Variants in PTPRT observed in about 807,000 individuals in gnomAD.
The protein encoded by PTPRT is receptor-type tyrosine-protein phosphatase T.
Under a neutral mutation model 176.8 loss-of-function variants are expected in PTPRT, and 56 were observed. The observed-to-expected ratio is 0.32, with a 90% CI of 0.26 to 0.40. The LOEUF is 0.40. PTPRT is among the 10% of genes least tolerant of loss of function. The pLI, the probability that PTPRT is intolerant of heterozygous loss-of-function variation, is 1.00. For synonymous variants in PTPRT, 783 were observed against 739.0 expected, an observed-to-expected ratio of 1.06 and a Z score of -0.96; for missense variants, 1,540 against 1,908.2, an observed-to-expected ratio of 0.81 and a Z score of 3.60.
At chr20:42,227,762 C>G (rs2056051557) in intron 15 of PTPRT, among the ~76,000 whole-genome samples, 1 of 151,998 alleles carries the variant, frequency 6.6e-6, no homozygotes, top group South Asian at 2.1e-4. Context: ...CACGTGCCAC[C>G]ATGCCTGGCT....
At position 42,077,254 on chromosome 20, in the gene PTPRT, A is replaced by G; in HGVS notation, c.*3625T>C. 1 of 186,454 alleles carries G rather than the reference A, an allele frequency of 5.4e-6. No homozygotes were observed. Among genetic ancestry groups the G allele is most frequent in the East Asian group, 8.6e-5 (1 of 11,620 alleles). 11.5% of individuals were successfully genotyped at this position (186,454 alleles called of 1,614,324 possible). ...AAAGAGAGGCCTACTGTGGCCTTCT[A>G]GAGGCCCAAGGACCCCTGGTTGGCC... On this transcript the variant is annotated 3_prime_UTR_variant, in exon 31 of 31. Transcript: ENST00000373187.
chr20:42,981,559 G>T (rs889566318), intron 1 of PTPRT, among the ~76,000 whole-genome samples: 8 of 152,212 alleles, frequency 5.3e-5, no homozygotes, highest in African/African-American at 1.9e-4. Context: ...TCACAGGGAT[G>T]AACCTGACCT....
At chr20:42,155,757 T>G (rs2146479232) in intron 17 of PTPRT, among the ~76,000 whole-genome samples, 1 of 152,262 alleles carries the variant, frequency 6.6e-6, no homozygotes, top group African/African-American at 2.4e-5. Context: ...GTGCGTAGGC[T>G]TGTCTGGGCT....
At chr20:42,956,767 A>T (rs1444310499) in intron 1 of PTPRT, among the ~76,000 whole-genome samples, 2 of 152,182 alleles carry the variant, frequency 1.3e-5, no homozygotes, top group African/African-American at 4.8e-5. Flanking sequence ...TGTTAAGAGT[A>T]CAGGTGACAG....
intron 12 of PTPRT, among the ~76,000 whole-genome samples, chr20:42,304,271 T>C (rs967838959): frequency 6.6e-6 from 1 of 152,164 alleles, no homozygotes; most frequent in African/African-American, 2.4e-5. Flanking sequence ...GTCATGTTCA[T>C]ACTCTATTCA....
intron 7 of PTPRT, among the ~76,000 whole-genome samples, chr20:42,675,352 G>A (rs2075483752): frequency 6.6e-6 from 1 of 152,198 alleles, no homozygotes; most frequent in Non-Finnish European, 1.5e-5. Context: ...ATATCTTGGG[G>A]ATGGGACCCA....
chr20:43,090,291 G>A lies in PTPRT; in HGVS notation c.88+99355C>T, dbSNP rs531089742. 1.3e-3 allele frequency among the ~76,000 whole-genome samples: 186 copies of A among 146,476 alleles called. 1 individual carries two copies. The highest frequency in any genetic ancestry group is 4.6e-3 in the African/African-American group (182 of 39,336). ...GACTATTTTTTTTTTTTTTTGAGAT[G>A]GAGTCTTGTTCTGTCGCCCAGGCTG... On this transcript the variant is annotated intron_variant, in intron 1 of 30. Transcript: ENST00000373187.
At chr20:43,079,763 G>A (rs1053570882) in intron 1 of PTPRT, among the ~76,000 whole-genome samples, 4 of 151,954 alleles carry the variant, frequency 2.6e-5, no homozygotes, top group Non-Finnish European at 4.4e-5. Flanking sequence ...AGGGTTGGTC[G>A]GTTAATTATT....
intron 2 of PTPRT, among the ~76,000 whole-genome samples, chr20:42,841,080 C>T (rs2078269727): frequency 6.6e-6 from 1 of 152,182 alleles, no homozygotes; most frequent in Non-Finnish European, 1.5e-5. Context: ...AGGTATGCTA[C>T]ACCCTGTCCC....
chr20:43,189,046 G>A lies in PTPRT; in HGVS notation c.88+600C>T, dbSNP rs2146497693. Among the ~76,000 whole-genome samples, 1 of 152,330 alleles carries A rather than the reference G, an allele frequency of 6.6e-6. No individual in the cohort carries two copies. The highest frequency in any genetic ancestry group is 2.1e-4 in the South Asian group (1 of 4,828). ...CCAGCTACCTCGGAGAAAAGCCAGC[G>A]GGTAGGGCGGAGGTATTGCTCTCGG... On this transcript the variant is annotated intron_variant, in intron 1 of 30. Coordinates refer to ENST00000373187, the MANE Select transcript of PTPRT (RefSeq NM_007050.6). The surrounding 1 kb of genome is among the most constrained non-coding windows in gnomAD (Gnocchi z 5.0).
intron 1 of PTPRT, among the ~76,000 whole-genome samples, chr20:43,167,357 A>T (rs574178771): frequency 9.2e-5 from 14 of 152,318 alleles, no homozygotes; most frequent in African/African-American, 3.1e-4. Flanking sequence ...TCCCAATTTC[A>T]GTCTCTTAGT....
chr20:42,869,449 G>A (rs962639345), intron 2 of PTPRT, among the ~76,000 whole-genome samples: 32 of 152,300 alleles, frequency 2.1e-4, no homozygotes, highest in African/African-American at 7.5e-4. Context: ...CTCAAGCCTC[G>A]AGATTTAATG....
intron 2 of PTPRT, among the ~76,000 whole-genome samples, chr20:42,817,342 T>A (rs2077804891): frequency 6.6e-6 from 1 of 150,578 alleles, no homozygotes; most frequent in South Asian, 2.1e-4. Flanking sequence ...TCTGAGTTAT[T>A]TGACATCTTA....
intron 7 of PTPRT, among the ~76,000 whole-genome samples, chr20:42,556,086 C>A (rs1330288483): frequency 6.6e-6 from 1 of 152,166 alleles, no homozygotes; most frequent in Non-Finnish European, 1.5e-5. Context: ...TATTAAGCGA[C>A]AAAGACTCTA....
At chr20:42,930,677 A>G (rs1482613653) in intron 1 of PTPRT, among the ~76,000 whole-genome samples, 1 of 151,746 alleles carries the variant, frequency 6.6e-6, no homozygotes, top group Non-Finnish European at 1.5e-5. Flanking sequence ...ACAGGGTCTT[A>G]CTATGTTGCC....
chr20:43,054,155 T>C (rs1987148393), intron 1 of PTPRT, among the ~76,000 whole-genome samples: 1 of 152,136 alleles, frequency 6.6e-6, no homozygotes, highest in Non-Finnish European at 1.5e-5. Flanking sequence ...TTTTAGAAGC[T>C]TCACCTCCAA....
chr20:43,027,419 T>A (rs1985957521), intron 1 of PTPRT, among the ~76,000 whole-genome samples: 1 of 148,872 alleles, frequency 6.7e-6, no homozygotes, highest in East Asian at 2.0e-4. Flanking sequence ...GAGGTTGCAG[T>A]GAGCCAAGAT....
At chr20:42,040,668 G>C in the PTPRT span, among the ~76,000 whole-genome samples, 1 of 152,158 alleles carries the variant, frequency 6.6e-6, no homozygotes, top group African/African-American at 2.4e-5. Context: ...CATGTATTTA[G>C]TGTGTTTGGA....
At chr20:42,982,469 G>C (rs1002961912) in intron 1 of PTPRT, among the ~76,000 whole-genome samples, 1 of 152,214 alleles carries the variant, frequency 6.6e-6, no homozygotes, top group African/African-American at 2.4e-5. Flanking sequence ...GGAGGGAAGG[G>C]AAGGCCTCTC....
Sources: gnomAD v4.1 joint callset for allele counts (sites outside exome capture counted in the v4.1 genomes callset) on GRCh38, gnomAD v4.1.1 for gene constraint, Gnocchi (gnomAD v3.1) non-coding constraint, MANE v1.5 for transcripts, NCBI Gene and HGNC (gene_info 2026-07-23, HGNC 2026-07-21) for gene names.